PHACTR3: variants seen among roughly 807,000 people sequenced by gnomAD.
PHACTR3 encodes protein phosphatase 1, regulatory subunit 123.
PHACTR3 carries 16 observed loss-of-function variants against 66.8 expected under a neutral mutation model. The observed-to-expected ratio is 0.24, with a 90% CI of 0.16 to 0.36. The LOEUF is 0.36. Among genes scored for constraint, PHACTR3 ranks in the 10% least tolerant of loss-of-function variants. The pLI, the probability that PHACTR3 is intolerant of heterozygous loss-of-function variation, is 1.00. For missense variants in PHACTR3, 647 were observed against 719.9 expected (o/e 0.90, Z 1.16); for synonymous variants, 323 against 292.1 (o/e 1.11, Z -1.08).
intron 7 of PHACTR3, among the ~76,000 whole-genome samples, chr20:59,793,888 G>A (rs2041175521): frequency 6.6e-6 from 1 of 152,000 alleles, no homozygotes; most frequent in African/African-American, 2.4e-5. Context: ...TTGGGAGGGT[G>A]AGACAGGTGG....
In PHACTR3 at chr20:59,622,318, T is replaced by C. The variant is rs555118234; in HGVS notation, c.118+17186T>C. On this transcript the variant is annotated intron_variant, in intron 1 of 12. Transcript: ENST00000371015. Reference sequence around the variant, plus strand: ...GTACTGACTGTGCCTGGCCAACCTCTGTCAGTCCCTTCATCAGGCCATGCT... The same window carrying C: ...GTACTGACTGTGCCTGGCCAACCTCCGTCAGTCCCTTCATCAGGCCATGCT... Among the ~76,000 whole-genome samples, 4 of 152,270 alleles carry C rather than the reference T, an allele frequency of 2.6e-5. No homozygotes were observed. The South Asian group carries it at 6.2e-4, about 24-fold the overall frequency.
At chr20:59,686,871 T>TGGTGATGATGGTGTTGATGATGATGGTG (rs2036905961) in intron 1 of PHACTR3, among the ~76,000 whole-genome samples, 1 of 67,910 alleles carries the variant, frequency 1.5e-5, no homozygotes, top group Non-Finnish European at 3.2e-5. Context: ...TGGTGGTGAT[T>TGGTGATGATGGTGTTGATGATGATGGTG]GTGATGATGG....
chr20:59,745,034 G>A (rs2039316479), intron 2 of PHACTR3, among the ~76,000 whole-genome samples: 1 of 152,206 alleles, frequency 6.6e-6, no homozygotes, highest in Admixed American at 6.5e-5. Flanking sequence ...CAGGCTTAAT[G>A]GCAGGATCAC....
intron 8 of PHACTR3, among the ~76,000 whole-genome samples, chr20:59,808,850 G>A (rs893532502): frequency 6.6e-6 from 1 of 152,194 alleles, no homozygotes; most frequent in Admixed American, 6.5e-5. Flanking sequence ...TTGATGTTTG[G>A]GCCCAGATCG....
At chr20:59,695,718 CT>C (rs2037271791) in intron 1 of PHACTR3, among the ~76,000 whole-genome samples, 1 of 149,180 alleles carries the variant, frequency 6.7e-6, no homozygotes, top group African/African-American at 2.5e-5. Context: ...GAGTATCTCT[CT>C]CCTAGAAGTT....
chr20:59,826,514 G>A (rs565542643), intron 8 of PHACTR3, among the ~76,000 whole-genome samples: 5 of 150,712 alleles, frequency 3.3e-5, no homozygotes, highest in Non-Finnish European at 4.4e-5. Flanking sequence ...TGGCATTACA[G>A]GGCACATGCT....
At chr20:59,766,723 T>C (rs2040193625) in intron 4 of PHACTR3, among the ~76,000 whole-genome samples, 1 of 152,236 alleles carries the variant, frequency 6.6e-6, no homozygotes, top group African/African-American at 2.4e-5. Flanking sequence ...AGGGTTACAC[T>C]GTGTCATGGC....
At chr20:59,622,803 T>C (rs2034292409) in intron 1 of PHACTR3, among the ~76,000 whole-genome samples, 1 of 151,652 alleles carries the variant, frequency 6.6e-6, no homozygotes, top group Non-Finnish European at 1.5e-5. Flanking sequence ...TGGCCAGGAC[T>C]GATGATTCCT....
rs545198694 is a variant in PHACTR3 at position 59,620,334 on chromosome 20, A to G, written c.118+15202A>G. On this transcript the variant is annotated intron_variant, in intron 1 of 12. Transcript: ENST00000371015. Reference sequence around the variant, plus strand: ...GAAGAAATTAGCTTTGGTACAATACAATTAACTCATCTACCAACCTTATCT... The same window carrying G: ...GAAGAAATTAGCTTTGGTACAATACGATTAACTCATCTACCAACCTTATCT... Among the ~76,000 whole-genome samples, 14 of 152,346 alleles carry G rather than the reference A, an allele frequency of 9.2e-5. No homozygotes were observed. In the South Asian group the frequency reaches 2.9e-3, roughly 32 times the overall value.
intron 1 of PHACTR3, among the ~76,000 whole-genome samples, chr20:59,611,447 G>T (rs2033840326): frequency 6.6e-6 from 1 of 152,246 alleles, no homozygotes; most frequent in African/African-American, 2.4e-5. Flanking sequence ...GCCTCTCTGA[G>T]TTCTGTGAAA....
At chr20:59,583,549 G>T (rs2032920282) in intron 1 of PHACTR3, among the ~76,000 whole-genome samples, 1 of 152,214 alleles carries the variant, frequency 6.6e-6, no homozygotes, top group Non-Finnish European at 1.5e-5. Context: ...CAGGAGGGAG[G>T]CTCCCCGCGT....
chr20:59,579,138 C>T (rs551388675), intron 1 of PHACTR3, among the ~76,000 whole-genome samples: 3 of 152,334 alleles, frequency 2.0e-5, no homozygotes, highest in East Asian at 3.9e-4. Flanking sequence ...TGGGAAAGGG[C>T]GTTCCCAGTC....
At chr20:59,796,646 AT>A (rs552671513) in intron 7 of PHACTR3, among the ~76,000 whole-genome samples, 12 of 152,020 alleles carry the variant, frequency 7.9e-5, no homozygotes, top group East Asian at 7.7e-4. Flanking sequence ...GTTAGTAGAG[AT>A]TTTTTTCCCC....
intron 1 of PHACTR3, among the ~76,000 whole-genome samples, chr20:59,589,233 A>G (rs2033121814): frequency 6.6e-6 from 1 of 152,214 alleles, no homozygotes; most frequent in South Asian, 2.1e-4. Flanking sequence ...TTGCACTATT[A>G]TTAATATCTC....
chr20:59,644,547 G>T (rs1290659279), intron 1 of PHACTR3, among the ~76,000 whole-genome samples: 1 of 152,152 alleles, frequency 6.6e-6, no homozygotes, highest in African/African-American at 2.4e-5. Flanking sequence ...TCTAGCACTG[G>T]CCTGGTGCTT....
intron 1 of PHACTR3, among the ~76,000 whole-genome samples, chr20:59,579,109 C>A (rs1307973318): frequency 6.6e-6 from 1 of 152,198 alleles, no homozygotes; most frequent in Non-Finnish European, 1.5e-5. Context: ...AACAGTGGGG[C>A]ATATTCTGGG....
chr20:59,751,855 A>G (rs887909764), intron 3 of PHACTR3, among the ~76,000 whole-genome samples: 9 of 151,990 alleles, frequency 5.9e-5, no homozygotes, highest in Admixed American at 1.3e-4. Flanking sequence ...GATATCCGTG[A>G]CTAAGTGAGG....
chr20:59,784,658 G>T (rs1442934489), intron 7 of PHACTR3, among the ~76,000 whole-genome samples: 1 of 152,196 alleles, frequency 6.6e-6, no homozygotes, highest in Admixed American at 6.5e-5. Context: ...ACCCTGTAAA[G>T]AAAGCTGGAA....
At chr20:59,822,126 C>T (rs1181483832) in intron 8 of PHACTR3, among the ~76,000 whole-genome samples, 26 of 55,174 alleles carry the variant, frequency 4.7e-4, no homozygotes, top group African/African-American at 2.0e-3. Flanking sequence ...ATCCCACCCC[C>T]TCCGCAGCGA....
Sources: allele counts gnomAD v4.1 joint callset (sites outside exome capture counted in the v4.1 genomes callset), GRCh38; gene constraint gnomAD v4.1.1; transcripts MANE v1.5; gene names NCBI Gene and HGNC (gene_info 2026-07-23, HGNC 2026-07-21).